IL1RAPL1: variants seen among roughly 807,000 people sequenced by gnomAD.
IL1RAPL1 encodes interleukin 1 receptor accessory protein like 1.
A neutral mutation model predicts 48.4 loss-of-function variants in IL1RAPL1; 3 were observed. The observed-to-expected ratio is 0.06, with a 90% CI of 0.03 to 0.16. IL1RAPL1 has a LOEUF of 0.16. IL1RAPL1 is among the 10% of genes least tolerant of loss of function. The probability of loss-of-function intolerance (pLI) is 1.00; values close to 1 mark genes in which losing one functional copy is unlikely to be tolerated. For synonymous variants in IL1RAPL1, 185 were observed against 187.7 expected (o/e 0.99, Z 0.12); for missense variants, 349 against 530.6 (o/e 0.66, Z 3.36).
chrX:28,830,637 C>G (rs1383357150), intron 2 of IL1RAPL1, among the ~76,000 whole-genome samples: 2 of 111,280 alleles, frequency 1.8e-5, no homozygotes, highest in Non-Finnish European at 3.8e-5. Context: ...CTAGTAGGTT[C>G]AGTACTTGGG....
At chrX:29,117,026 A>G (rs1928690837) in intron 2 of IL1RAPL1, among the ~76,000 whole-genome samples, 1 of 111,774 alleles carries the variant, frequency 8.9e-6, no homozygotes, top group Admixed American at 9.5e-5. Flanking sequence ...GGTGTTCAGC[A>G]GTGTCAAACG....
chrX:29,149,904 G>A (rs764768921), intron 2 of IL1RAPL1, among the ~76,000 whole-genome samples: 11 of 111,717 alleles, frequency 9.8e-5, no homozygotes, highest in Non-Finnish European at 1.7e-4. Flanking sequence ...GTAGAGTGTT[G>A]TAGAATGAGT....
chrX:29,175,615 G>T (rs958213828), intron 2 of IL1RAPL1, among the ~76,000 whole-genome samples: 1 of 109,815 alleles, frequency 9.1e-6, no homozygotes, highest in African/African-American at 3.3e-5. Context: ...GGGAGGCCGA[G>T]GCGGGAGGAT....
At chrX:28,911,048 A>G (rs1923348281) in intron 2 of IL1RAPL1, among the ~76,000 whole-genome samples, 1 of 111,444 alleles carries the variant, frequency 9.0e-6, no homozygotes, top group Non-Finnish European at 1.9e-5. Flanking sequence ...AAATGCAAAT[A>G]TATTCTGAAT....
rs974710095 is a variant in IL1RAPL1, at chrX:29,911,760, A to T, written c.779-5704A>T. 1.3e-4 allele frequency among the ~76,000 whole-genome samples: 15 copies of T among 112,111 alleles called. No individual in the cohort carries two copies. In the East Asian group the frequency reaches 3.9e-3, roughly 29 times the overall value. ...CAGCTATAGACACGACATACTTTTAATTTAACCTGCATTATTAACATTTTC... is the reference window on the plus strand; with the variant it reads ...CAGCTATAGACACGACATACTTTTATTTTAACCTGCATTATTAACATTTTC... On this transcript the variant is annotated intron_variant, in intron 6 of 10. Coordinates refer to ENST00000378993, the MANE Select transcript of IL1RAPL1 (RefSeq NM_014271.4).
chrX:29,088,109 A>G (rs924693282), intron 2 of IL1RAPL1, among the ~76,000 whole-genome samples: 1 of 112,068 alleles, frequency 8.9e-6, no homozygotes, highest in Non-Finnish European at 1.9e-5. Context: ...ACACATGCAC[A>G]TTATATCTGT....
At chrX:29,522,400 A>T (rs1935512082) in intron 5 of IL1RAPL1, among the ~76,000 whole-genome samples, 1 of 110,838 alleles carries the variant, frequency 9.0e-6, no homozygotes. Context: ...GGCTCAAGTA[A>T]TCCTCCCACC....
intron 2 of IL1RAPL1, among the ~76,000 whole-genome samples, chrX:28,822,609 A>G (rs1283432623): frequency 1.8e-5 from 2 of 111,721 alleles, no homozygotes; most frequent in Non-Finnish European, 3.8e-5. Context: ...CGGGGAGGAC[A>G]TGTTGCCATG....
intron 2 of IL1RAPL1, among the ~76,000 whole-genome samples, chrX:29,217,779 A>T (rs200579515): frequency 8.8e-4 from 42 of 47,938 alleles, no homozygotes; most frequent in East Asian, 6.6e-3. Context: ...TCTCTCTCTC[A>T]CACACACACA....
At chrX:29,919,327 A>C (rs191349601) in intron 7 of IL1RAPL1, among the ~76,000 whole-genome samples, 2 of 112,347 alleles carry the variant, frequency 1.8e-5, no homozygotes, top group African/African-American at 6.5e-5. Flanking sequence ...AAGTTTCTAG[A>C]AAGGTAGTTT....
chrX:28,627,035 T>C (rs1934347646), intron 1 of IL1RAPL1, among the ~76,000 whole-genome samples: 1 of 112,177 alleles, frequency 8.9e-6, no homozygotes, highest in Admixed American at 9.5e-5. Flanking sequence ...CTTTGTGTCT[T>C]CCCAAATCAA....
intron 3 of IL1RAPL1, among the ~76,000 whole-genome samples, chrX:29,332,654 T>TTTTA (rs1491325920): frequency 1.7e-4 from 12 of 71,695 alleles, no homozygotes; most frequent in African/African-American, 6.8e-4. Flanking sequence ...ATTTATTTTA[T>TTTTA]TTTTTTTTTT....
intron 1 of IL1RAPL1, among the ~76,000 whole-genome samples, chrX:28,671,216 A>G (rs1418711597): frequency 3.6e-5 from 4 of 112,355 alleles, no homozygotes; most frequent in Admixed American, 2.8e-4. Flanking sequence ...TCCTAGTTGT[A>G]CTTTTGTATC....
chrX:28,910,717 A>G (rs1168678815), intron 2 of IL1RAPL1, among the ~76,000 whole-genome samples: 1 of 109,469 alleles, frequency 9.1e-6, no homozygotes, highest in Non-Finnish European at 1.9e-5. Flanking sequence ...AAGTGTGCTT[A>G]TGTGTAACCC....
intron 5 of IL1RAPL1, among the ~76,000 whole-genome samples, chrX:29,561,433 G>C (rs1922191879): frequency 2.7e-5 from 3 of 112,057 alleles, no homozygotes; most frequent in Admixed American, 1.9e-4. Flanking sequence ...ATGGCCCTTT[G>C]TTTAGTTCTT....
chrX:29,310,135 G>GAAAAAAAAAA (rs763228577), intron 3 of IL1RAPL1, among the ~76,000 whole-genome samples: 2 of 41,152 alleles, frequency 4.9e-5, no homozygotes, highest in African/African-American at 8.4e-5. Flanking sequence ...AAAAAGAAAG[G>GAAAAAAAAAA]AAAAAAAAAA....
At chrX:28,919,316 A>T (rs1923561986) in intron 2 of IL1RAPL1, among the ~76,000 whole-genome samples, 1 of 112,180 alleles carries the variant, frequency 8.9e-6, no homozygotes, top group Non-Finnish European at 1.9e-5. Flanking sequence ...TGGGACAACC[A>T]GTTGCTCTCT....
chrX:29,227,328 A>C (rs1434002450), intron 2 of IL1RAPL1, among the ~76,000 whole-genome samples: 1 of 111,449 alleles, frequency 9.0e-6, no homozygotes, highest in African/African-American at 3.2e-5. Flanking sequence ...AAAGCTAAAA[A>C]GGAAAGTTGT....
Position 28,620,844 on chromosome X carries a change from A to G in IL1RAPL1, c.-25+32797A>G, listed in dbSNP as rs140172593. Among the ~76,000 whole-genome samples the G allele has an allele frequency of 6.6e-3, 736 of 112,109 alleles. 6 individuals are homozygous for G. The highest frequency in any genetic ancestry group is 0.022 in the African/African-American group (676 of 30,912). On this transcript the variant is annotated intron_variant, in intron 1 of 10. Coordinates refer to ENST00000378993, the MANE Select transcript of IL1RAPL1 (RefSeq NM_014271.4). ...AACTTCATTTACCTTTTGCTCTTAC[A>G]TTATTTTATCTTGGGCCCAGTCTAT...
Sources: gnomAD v4.1 joint callset for allele counts (sites outside exome capture counted in the v4.1 genomes callset) on GRCh38, gnomAD v4.1.1 for gene constraint, MANE v1.5 for transcripts, NCBI Gene and HGNC (gene_info 2026-07-23, HGNC 2026-07-21) for gene names.